PTH2R: variants seen among roughly 807,000 people sequenced by gnomAD.
PTH2R encodes PTH2 receptor.
A neutral mutation model predicts 60.3 loss-of-function variants in PTH2R; 59 were observed. The ratio of observed to expected loss-of-function variants is 0.98; its 90% CI spans 0.79 to 1.22. The LOEUF (loss-of-function observed/expected upper bound fraction) is 1.22, where lower values mean the gene tolerates loss of function less well. PTH2R is among the 50% of genes most tolerant of loss of function. The probability of loss-of-function intolerance (pLI) is 0.00; values close to 1 mark genes in which losing one functional copy is unlikely to be tolerated. For synonymous variants in PTH2R, 256 were observed against 243.8 expected (o/e 1.05, Z -0.47); for missense variants, 749 against 682.6 (o/e 1.10, Z -1.08).
chr2:208,473,790 TGTAG>T (rs1702936348), intron 9 of PTH2R, among the ~76,000 whole-genome samples: 1 of 152,246 alleles, frequency 6.6e-6, no homozygotes, highest in Non-Finnish European at 1.5e-5. Flanking sequence ...GCATGCCACA[TGTAG>T]GTACCTTACA....
At chr2:208,465,306 T>A (rs2924790) in intron 9 of PTH2R, among the ~76,000 whole-genome samples, 121,165 of 151,128 alleles carry the variant, frequency 0.8, 48,992 homozygotes, top group African/African-American at 0.87. Flanking sequence ...GTATGAGGTG[T>A]TAGCTTGTGG....
intron 8 of PTH2R, among the ~76,000 whole-genome samples, chr2:208,459,023 T>A (rs190612156): frequency 6.6e-6 from 1 of 152,218 alleles, no homozygotes; most frequent in African/African-American, 2.4e-5. Context: ...CTTTGAGGAA[T>A]CGCCATACTG....
intron 9 of PTH2R, among the ~76,000 whole-genome samples, chr2:208,461,867 C>G (rs1193481835): frequency 6.6e-6 from 1 of 152,260 alleles, no homozygotes; most frequent in South Asian, 2.1e-4. Context: ...GATTAAAGGG[C>G]TTTTGAAGAT....
chr2:208,476,208 ATTCATTTTCTC>A (rs1702999430), intron 9 of PTH2R, among the ~76,000 whole-genome samples: 1 of 152,144 alleles, frequency 6.6e-6, no homozygotes, highest in Non-Finnish European at 1.5e-5. Context: ...TGGGTGAGTG[ATTCATTTTCTC>A]CCAGTTGCAG....
At chr2:208,459,741 A>G (rs1246702080) in intron 8 of PTH2R, among the ~76,000 whole-genome samples, 154 bp from the exon 9 acceptor site, 1 of 151,932 alleles carries the variant, frequency 6.6e-6, no homozygotes, top group African/African-American at 2.4e-5. Flanking sequence ...TTTTCCCCCC[A>G]CTGGCTTGGG....
chr2:208,397,304 T>A (rs1472843873), intron 1 of PTH2R, among the ~76,000 whole-genome samples: 4 of 150,456 alleles, frequency 2.7e-5, no homozygotes, highest in Admixed American at 2.6e-4. Flanking sequence ...TAAAGTATAA[T>A]TAAAAAAAAA....
chr2:208,424,344 T>C (rs2105850185), intron 1 of PTH2R, among the ~76,000 whole-genome samples: 1 of 152,298 alleles, frequency 6.6e-6, no homozygotes, highest in East Asian at 1.9e-4. Context: ...CAAGTGTTCT[T>C]GTATAAGTGG....
chr2:208,448,506 C>T (rs1308415268), intron 7 of PTH2R, among the ~76,000 whole-genome samples: 3 of 150,734 alleles, frequency 2.0e-5, no homozygotes, highest in Non-Finnish European at 4.4e-5. Flanking sequence ...TGGCAGCGTG[C>T]GCCTGCAGTC....
chr2:208,477,298 T>C (rs2105901661), intron 9 of PTH2R, among the ~76,000 whole-genome samples: 1 of 152,188 alleles, frequency 6.6e-6, no homozygotes, highest in African/African-American at 2.4e-5. Flanking sequence ...CCCTGAGAAC[T>C]TGGCTAGGAA....
rs55810977 is a variant in PTH2R, at chr2:208,388,132, A to ACCCCC, written c.-259+27902_-259+27906dup. 2.8e-4 allele frequency among the ~76,000 whole-genome samples: 37 copies of ACCCCC among 131,394 alleles called. 1 individual carries two copies. Among genetic ancestry groups the ACCCCC allele is most frequent in the East Asian group, 6.8e-4 (3 of 4,418 alleles). 86.2% of individuals were successfully genotyped at this position (131,394 alleles called of 152,430 possible). A position where few individuals can be genotyped will look rare whatever the true frequency, so the allele number is the denominator to read the frequency against. On this transcript the variant is annotated intron_variant, in intron 1 of 12. Transcript: ENST00000617735. The stretch of plus-strand genomic sequence containing the variant: ...AGACCATTCTGGCTAACATGGTGAA[A>ACCCCC]CCCCCCCCCCCGTCTCTACTAAAAA...
chr2:208,412,267 G>C (rs1019937367), intron 1 of PTH2R, among the ~76,000 whole-genome samples: 20 of 152,192 alleles, frequency 1.3e-4, no homozygotes, highest in Admixed American at 2.6e-4. Flanking sequence ...ACTTTTCCCA[G>C]TTGTTATTGT....
intron 12 of PTH2R, 102 bp downstream of exon 12, chr2:208,490,782 ATG>A (rs890227907): frequency 1.8e-5 from 20 of 1,101,008 alleles, no homozygotes; most frequent in Non-Finnish European, 2.5e-5. Context: ...CCAGGATGGA[ATG>A]GGTGAGGAGA....
chr2:208,490,763 C>A, intron 12 of PTH2R, 83 bp downstream of exon 12: 1 of 1,255,426 alleles, frequency 8.0e-7, no homozygotes, highest in East Asian at 2.5e-5. Context: ...TTTAGAATTT[C>A]CAGGATTTCC....
chr2:208,432,326 G>A (rs1012314220), intron 2 of PTH2R, among the ~76,000 whole-genome samples: 4 of 152,126 alleles, frequency 2.6e-5, no homozygotes, highest in African/African-American at 7.2e-5. Flanking sequence ...TAATAGGGAC[G>A]GCAGGCATCT....
chr2:208,388,127 G>A (rs1183725819), intron 1 of PTH2R, among the ~76,000 whole-genome samples: 1 of 68,228 alleles, frequency 1.5e-5, no homozygotes, highest in Non-Finnish European at 2.8e-5. Flanking sequence ...GGCTAACATG[G>A]TGAAACCCCC....
At chr2:208,451,468 C>T (rs765904982) in intron 8 of PTH2R, among the ~76,000 whole-genome samples, 4 of 152,034 alleles carry the variant, frequency 2.6e-5, no homozygotes, top group Admixed American at 2.6e-4. Flanking sequence ...GCTGATAATG[C>T]CCTCAAAAAT....
intron 10 of PTH2R, among the ~76,000 whole-genome samples, chr2:208,487,706 C>G (rs931296883): frequency 6.6e-6 from 1 of 152,178 alleles, no homozygotes. Context: ...GATTTGTCAG[C>G]TGGGGCTGTG....
chr2:208,446,966 G>A (rs751921545), intron 7 of PTH2R, among the ~76,000 whole-genome samples: 30 of 152,092 alleles, frequency 2.0e-4, no homozygotes, highest in Non-Finnish European at 4.0e-4. Flanking sequence ...CATTAGAGCA[G>A]AGAACTTGCT....
chr2:208,485,216 G>C (rs1703244639), intron 10 of PTH2R, among the ~76,000 whole-genome samples: 1 of 152,142 alleles, frequency 6.6e-6, no homozygotes, highest in African/African-American at 2.4e-5. Flanking sequence ...TGCTCACCTG[G>C]AGAGACATCA....
Sources: allele counts gnomAD v4.1 joint callset (sites outside exome capture counted in the v4.1 genomes callset), GRCh38; gene constraint gnomAD v4.1.1; transcripts MANE v1.5; gene names NCBI Gene and HGNC (gene_info 2026-07-23, HGNC 2026-07-21).